RFX3: variants seen among roughly 807,000 people sequenced by gnomAD.
The protein encoded by RFX3 is regulatory factor X3.
In RFX3, 14 loss-of-function variants were observed where a neutral mutation model predicts 98.6. The ratio of observed to expected loss-of-function variants is 0.14; its 90% CI spans 0.09 to 0.22. The LOEUF (loss-of-function observed/expected upper bound fraction) is 0.22. Among genes scored for constraint, RFX3 ranks in the 10% least tolerant of loss-of-function variants. RFX3 has a pLI of 1.00. For synonymous variants in RFX3, 383 were observed against 328.4 expected (o/e 1.17, Z -1.80); for missense variants, 639 against 926.9 (o/e 0.69, Z 4.03).
chr9:3,466,602 G>A (rs938437796), intron 1 of RFX3, among the ~76,000 whole-genome samples: 1 of 152,122 alleles, frequency 6.6e-6, no homozygotes, highest in Non-Finnish European at 1.5e-5. Context: ...GTAGCAGTAG[G>A]AATGGAAGCC....
At chr9:3,351,072 C>G (rs1397139477) in intron 2 of RFX3, among the ~76,000 whole-genome samples, 2 of 150,790 alleles carry the variant, frequency 1.3e-5, no homozygotes, top group Admixed American at 6.6e-5. Flanking sequence ...CGAGAATGAA[C>G]TCTAATATAA....
chr9:3,479,481 T>A (rs1160452233), intron 1 of RFX3, among the ~76,000 whole-genome samples: 1 of 152,192 alleles, frequency 6.6e-6, no homozygotes, highest in Non-Finnish European at 1.5e-5. Context: ...GAAAAAAATC[T>A]GTATTTCAGT....
At chr9:3,260,447 A>AAT (rs908942279) in intron 13 of RFX3, among the ~76,000 whole-genome samples, 30 of 151,816 alleles carry the variant, frequency 2.0e-4, no homozygotes, top group East Asian at 1.5e-3. Flanking sequence ...CAGATACACA[A>AAT]ATATATATAT....
intron 1 of RFX3, among the ~76,000 whole-genome samples, chr9:3,473,990 C>G (rs924947704): frequency 1.3e-5 from 2 of 152,082 alleles, no homozygotes; most frequent in Non-Finnish European, 2.9e-5. Context: ...GAATACTGAG[C>G]CCCACCTTCC....
chr9:3,474,540 G>A (rs973266477), intron 1 of RFX3, among the ~76,000 whole-genome samples: 5 of 152,084 alleles, frequency 3.3e-5, no homozygotes, highest in Admixed American at 6.5e-5. Context: ...TATCAATGAC[G>A]CTTTTAAAAT....
rs1337052791 is a variant in RFX3 at position 3,218,584 on chromosome 9, A to C, written c.*6458T>G. The C allele has an allele frequency of 2.0e-5, 3 of 152,224 alleles. No individual in the cohort carries two copies. The highest frequency in any genetic ancestry group is 1.3e-4 in the Admixed American group (2 of 15,280). The allele number at this position is 152,224 out of a possible 1,614,324, so 9.4% of individuals were successfully genotyped here. On this transcript the variant is annotated 3_prime_UTR_variant, in exon 17 of 17. Transcript: ENST00000617270. ...GAGGACATGATATACTAAAAGATTTAGCATTTCTCACAAAAATCACATCAG... is the reference window on the plus strand; with the variant it reads ...GAGGACATGATATACTAAAAGATTTCGCATTTCTCACAAAAATCACATCAG...
At chr9:3,475,483 G>T (rs1424940101) in intron 1 of RFX3, among the ~76,000 whole-genome samples, 1 of 152,124 alleles carries the variant, frequency 6.6e-6, no homozygotes, top group Non-Finnish European at 1.5e-5. Flanking sequence ...ACTAGACAGG[G>T]GGCCCTTCCC....
intron 1 of RFX3, among the ~76,000 whole-genome samples, chr9:3,460,052 C>T (rs908188901): frequency 2.6e-5 from 4 of 151,948 alleles, no homozygotes; most frequent in South Asian, 2.1e-4. Context: ...TGTTCAACTT[C>T]AAAAGATGGT....
At chr9:3,297,341 T>TAAAGGTAAAG (rs1828116259) in intron 5 of RFX3, among the ~76,000 whole-genome samples, 1 of 152,102 alleles carries the variant, frequency 6.6e-6, no homozygotes, top group East Asian at 1.9e-4. Flanking sequence ...TTAACCTTTA[T>TAAAGGTAAAG]CTTTAAAACT....
At chr9:3,270,741 G>A (rs897320197) in intron 10 of RFX3, 15 of 659,840 alleles carry the variant, frequency 2.3e-5, no homozygotes, top group Non-Finnish European at 3.3e-5. Flanking sequence ...ATTTTCTGAC[G>A]GTATGAAAGG....
rs371109548 is a variant in RFX3 at position 3,424,487 on chromosome 9, G to A, written c.-8-28891C>T. On this transcript the variant is annotated intron_variant, in intron 1 of 16. Transcript: ENST00000617270. The stretch of plus-strand genomic sequence containing the variant: ...CGCCATTCTCCTGCCTCAGCCTCCC[G>A]AGTAGCTGGGACTACAGGCGCCCGC... Among the ~76,000 whole-genome samples, 68 of 142,804 alleles carry A rather than the reference G, an allele frequency of 4.8e-4. No individual in the cohort carries two copies. The East Asian group carries it at 8.1e-3, about 17-fold the overall frequency. The allele number at this position is 142,804 out of a possible 152,430, so 93.7% of individuals were successfully genotyped here.
chr9:3,505,436 A>AC (rs1370231725), intron 1 of RFX3, among the ~76,000 whole-genome samples: 8,586 of 37,678 alleles, frequency 0.23, 3,435 homozygotes, highest in East Asian at 0.67. Flanking sequence ...AAAATAAAAT[A>AC]TTTTATATTT....
intron 2 of RFX3, among the ~76,000 whole-genome samples, chr9:3,394,522 G>C (rs1428451547): frequency 6.6e-6 from 1 of 152,100 alleles, no homozygotes; most frequent in Non-Finnish European, 1.5e-5. Flanking sequence ...TATCCTAAAA[G>C]CCAATGACTT....
At chr9:3,509,887 T>G (rs1817498689) in intron 1 of RFX3, among the ~76,000 whole-genome samples, 1 of 151,952 alleles carries the variant, frequency 6.6e-6, no homozygotes, top group African/African-American at 2.4e-5. Flanking sequence ...ATGTTCTATG[T>G]CATTGTACAA....
At chr9:3,309,187 G>A (rs889640941) in intron 4 of RFX3, among the ~76,000 whole-genome samples, 2 of 152,130 alleles carry the variant, frequency 1.3e-5, no homozygotes, top group African/African-American at 4.8e-5. Context: ...CTACAGCAGT[G>A]AAGGGAACTT....
intron 4 of RFX3, among the ~76,000 whole-genome samples, chr9:3,305,340 A>G (rs549900265): frequency 1.3e-5 from 2 of 152,036 alleles, no homozygotes; most frequent in African/African-American, 2.4e-5. Context: ...GAAAAATGCT[A>G]ATTTTCAGAT....
intron 15 of RFX3, among the ~76,000 whole-genome samples, chr9:3,239,825 C>T (rs1819681717): frequency 1.3e-5 from 2 of 152,304 alleles, no homozygotes; most frequent in South Asian, 4.1e-4. Context: ...CTTCTTGGAG[C>T]CTGTGCTTCC....
intron 1 of RFX3, among the ~76,000 whole-genome samples, chr9:3,469,498 A>T (rs1587780317): frequency 6.6e-6 from 1 of 152,320 alleles, no homozygotes; most frequent in East Asian, 1.9e-4. Flanking sequence ...GGTTCTAAAA[A>T]GTGCAGAAAG....
chr9:3,399,947 T>C (rs2132010356), intron 1 of RFX3, among the ~76,000 whole-genome samples: 1 of 140,550 alleles, frequency 7.1e-6, no homozygotes, highest in Non-Finnish European at 1.5e-5. Flanking sequence ...AGACTCCGTC[T>C]CAAAAAAAAA....
Sources: gnomAD v4.1 joint callset for allele counts (sites outside exome capture counted in the v4.1 genomes callset) on GRCh38, gnomAD v4.1.1 for gene constraint, MANE v1.5 for transcripts, NCBI Gene and HGNC (gene_info 2026-07-23, HGNC 2026-07-21) for gene names.